The following FGF13 variants were observed in gnomAD, a reference collection of about 807,000 sequenced individuals.
FGF13 encodes fibroblast growth factor 13, also known as fibroblast growth factor homologous factor 2.
Under a neutral mutation model 19.5 loss-of-function variants are expected in FGF13, and 2 were observed. That is an observed-to-expected ratio of 0.10 (90% CI 0.04 to 0.32). The LOEUF (loss-of-function observed/expected upper bound fraction) is 0.32. Among genes scored for constraint, FGF13 ranks in the 10% least tolerant of loss-of-function variants. The probability of loss-of-function intolerance (pLI) is 1.00; values close to 1 mark genes in which losing one functional copy is unlikely to be tolerated. For synonymous variants in FGF13, 72 were observed against 76.9 expected, an observed-to-expected ratio of 0.94 and a Z score of 0.33; for missense variants, 113 against 192.7, an observed-to-expected ratio of 0.59 and a Z score of 2.45.
chrX:139,172,266 T>C (rs772793649), intron 1 of FGF13, among the ~76,000 whole-genome samples: 3 of 112,096 alleles, frequency 2.7e-5, no homozygotes, highest in African/African-American at 9.7e-5. Context: ...TTACATGTGA[T>C]GAATTTGATA....
intron 1 of FGF13, among the ~76,000 whole-genome samples, chrX:139,084,922 A>G (rs1296808268): frequency 9.0e-6 from 1 of 111,464 alleles, no homozygotes; most frequent in Non-Finnish European, 1.9e-5. Context: ...GCCTCTCCCA[A>G]TCTCTGCTCC....
chrX:138,972,283 C>T (rs1488241095), intron 1 of FGF13, among the ~76,000 whole-genome samples: 1 of 102,242 alleles, frequency 9.8e-6, no homozygotes, highest in Non-Finnish European at 2.0e-5. Context: ...AGTTTCCATA[C>T]TGTTGACTTA....
intron 3 of FGF13, among the ~76,000 whole-genome samples, chrX:138,663,408 A>T (rs150429066): frequency 0.015 from 1,645 of 111,355 alleles, 32 homozygotes; most frequent in African/African-American, 0.051. Context: ...CATCACCTTG[A>T]TTATTTATAT....
intron 3 of FGF13, among the ~76,000 whole-genome samples, chrX:138,775,345 C>T (rs1260854943): frequency 8.9e-6 from 1 of 112,170 alleles, no homozygotes; most frequent in African/African-American, 3.2e-5. Context: ...TACTCACCTA[C>T]TACTGATAAG....
chrX:139,040,272 A>G (rs2092264615), intron 1 of FGF13, among the ~76,000 whole-genome samples: 1 of 112,066 alleles, frequency 8.9e-6, no homozygotes, highest in African/African-American at 3.2e-5. Context: ...GCCTCATCTA[A>G]TCACTGTAGT....
In FGF13 at chrX:138,771,391, C is replaced by T. The variant is rs181255845; in HGVS notation, c.218-62463G>A. 1.2e-4 allele frequency among the ~76,000 whole-genome samples: 13 copies of T among 111,329 alleles called. No individual in the cohort carries two copies. In the East Asian group the frequency reaches 3.4e-3, roughly 29 times the overall value. ...GGTTTGCCAGATGAAATATAGGGTG[C>T]CAATTTAAATTTGAATTTCAGATAA... is the stretch of plus-strand genomic sequence containing the variant. On this transcript the variant is annotated intron_variant, in intron 3 of 6. Coordinates refer to the FGF13 transcript ENST00000436198.
At chrX:138,947,968 G>A (rs1412184864) in intron 1 of FGF13, among the ~76,000 whole-genome samples, 2 of 111,518 alleles carry the variant, frequency 1.8e-5, no homozygotes, top group Non-Finnish European at 3.8e-5. Context: ...AGTCAAGCCG[G>A]CCATCTACAA....
At chrX:138,987,418 T>G (rs747359756) in intron 1 of FGF13, among the ~76,000 whole-genome samples, 2 of 111,863 alleles carry the variant, frequency 1.8e-5, no homozygotes, top group Non-Finnish European at 3.8e-5. Flanking sequence ...AAATGGAAGG[T>G]GCAAATCCTG....
At chrX:138,918,574 G>C (rs1217122325) in intron 1 of FGF13, among the ~76,000 whole-genome samples, 1 of 111,583 alleles carries the variant, frequency 9.0e-6, no homozygotes, top group Non-Finnish European at 1.9e-5. Context: ...AAGGGTCACT[G>C]ATCACTTACT....
chrX:139,010,816 T>G (rs2092124892), intron 1 of FGF13, among the ~76,000 whole-genome samples: 1 of 106,723 alleles, frequency 9.4e-6, no homozygotes, highest in Non-Finnish European at 1.9e-5. Flanking sequence ...AGAGCAGAAC[T>G]AAATGAAATT....
chrX:138,811,461 T>C (rs894048008), intron 3 of FGF13, among the ~76,000 whole-genome samples: 1 of 109,487 alleles, frequency 9.1e-6, no homozygotes, highest in African/African-American at 3.3e-5. Flanking sequence ...GGGGGGAGTG[T>C]GGAGGGATAG....
intron 3 of FGF13, among the ~76,000 whole-genome samples, chrX:138,673,344 G>C (rs1039970230): frequency 2.7e-5 from 3 of 111,122 alleles, no homozygotes; most frequent in Non-Finnish European, 5.7e-5. Context: ...GTTTGACCAG[G>C]CATGTTATTT....
At chrX:138,836,047 G>A in intron 3 of FGF13, among the ~76,000 whole-genome samples, 1 of 111,050 alleles carries the variant, frequency 9.0e-6, no homozygotes. Flanking sequence ...TCAAGTGAGA[G>A]GTCTGCTGTT....
chrX:139,023,343 T>C (rs943020166), intron 1 of FGF13, among the ~76,000 whole-genome samples: 1 of 111,574 alleles, frequency 9.0e-6, no homozygotes, highest in African/African-American at 3.3e-5. Flanking sequence ...CAGAATATCA[T>C]TCTTCTTTAG....
chrX:139,056,117 C>G (rs762336384), intron 1 of FGF13, among the ~76,000 whole-genome samples: 3 of 112,325 alleles, frequency 2.7e-5, no homozygotes, highest in Non-Finnish European at 5.6e-5. Flanking sequence ...CACTTTTGTT[C>G]CTAGACAACA....
chrX:139,005,909 C>A (rs1486656174), intron 1 of FGF13, among the ~76,000 whole-genome samples: 2 of 107,855 alleles, frequency 1.9e-5, no homozygotes, highest in Non-Finnish European at 3.8e-5. Context: ...GAATAAAAGA[C>A]AATGAAGCAT....
rs182968341 is a variant in FGF13, at chrX:138,875,488, C to T, written c.-112-10838G>A. Among the ~76,000 whole-genome samples the T allele has an allele frequency of 5.4e-5, 6 of 111,816 alleles. No homozygotes were observed. The East Asian group carries it at 1.4e-3, about 27-fold the overall frequency. Reference sequence around the variant, plus strand: ...GTCACTTGTTAGGGGAAATGACATGCGATTACTGAAGGACAATGTGATGGC... The same window carrying T: ...GTCACTTGTTAGGGGAAATGACATGTGATTACTGAAGGACAATGTGATGGC... On this transcript the variant is annotated intron_variant, in intron 1 of 2. Transcript: ENST00000421460.
chrX:139,029,601 T>C (rs2092218595), intron 1 of FGF13, among the ~76,000 whole-genome samples: 1 of 111,943 alleles, frequency 8.9e-6, no homozygotes, highest in South Asian at 3.7e-4. Flanking sequence ...TGTCTGTTTT[T>C]ATCTTGTTAA....
At chrX:139,193,221 C>T (rs762597184) in intron 1 of FGF13, among the ~76,000 whole-genome samples, 1 of 110,702 alleles carries the variant, frequency 9.0e-6, no homozygotes, top group East Asian at 2.9e-4. Context: ...TCAGTATCAT[C>T]ATTGACCAAA....
Sources: gnomAD v4.1 joint callset for allele counts (sites outside exome capture counted in the v4.1 genomes callset) on GRCh38, gnomAD v4.1.1 for gene constraint, MANE v1.5 for transcripts, NCBI Gene and HGNC (gene_info 2026-07-23, HGNC 2026-07-21) for gene names.